SMYD3: variants seen among roughly 807,000 people sequenced by gnomAD.
SMYD3 encodes SET and MYND domain containing 3.
Under a neutral mutation model 57.7 loss-of-function variants are expected in SMYD3, and 36 were observed. The ratio of observed to expected loss-of-function variants is 0.62; its 90% confidence interval spans 0.48 to 0.82. The LOEUF is 0.82. SMYD3 is among the 40% of genes least tolerant of loss of function. The probability of loss-of-function intolerance (pLI) is 0.00; values close to 1 mark genes in which losing one functional copy is unlikely to be tolerated. For synonymous variants in SMYD3, 211 were observed against 195.0 expected (o/e 1.08, Z -0.68); for missense variants, 515 against 538.8 (o/e 0.96, Z 0.44).
intron 5 of SMYD3, chr1:246,035,080 C>A (rs1195934040): frequency 6.6e-6 from 1 of 152,222 alleles, no homozygotes; most frequent in East Asian, 1.9e-4. Context: ...CCTACCCTTC[C>A]AGGTCACTGC....
At chr1:245,848,366 C>T (rs2050774278) in intron 10 of SMYD3, among the ~76,000 whole-genome samples, 1 of 152,058 alleles carries the variant, frequency 6.6e-6, no homozygotes, top group South Asian at 2.1e-4. Flanking sequence ...GTGATCTGCC[C>T]ACCTTGGCCT....
chr1:246,233,909 C>T (rs1460836003), intron 5 of SMYD3, among the ~76,000 whole-genome samples: 7 of 122,374 alleles, frequency 5.7e-5, no homozygotes, highest in East Asian at 8.4e-4. Flanking sequence ...ACATATACCA[C>T]GCAGAGGAGA....
intron 5 of SMYD3, among the ~76,000 whole-genome samples, chr1:245,969,977 G>T (rs1187505083): frequency 6.7e-6 from 1 of 148,994 alleles, no homozygotes; most frequent in Non-Finnish European, 1.5e-5. Context: ...ATTTCATATG[G>T]AGCCCAAAAA....
At chr1:245,958,022 A>T (rs1159813868) in intron 5 of SMYD3, among the ~76,000 whole-genome samples, 1 of 152,134 alleles carries the variant, frequency 6.6e-6, no homozygotes, top group Non-Finnish European at 1.5e-5. Context: ...CTTTGAGAAA[A>T]AAAAAGCGGG....
chr1:245,839,791 A>C (rs9662541), intron 10 of SMYD3, among the ~76,000 whole-genome samples: 84,823 of 151,720 alleles, frequency 0.56, 26,592 homozygotes, highest in Middle Eastern at 0.73. Context: ...AAGCAGAATT[A>C]ATAAGCAGGG....
chr1:246,114,606 C>T (rs1462504665), intron 5 of SMYD3, among the ~76,000 whole-genome samples: 1 of 152,182 alleles, frequency 6.6e-6, no homozygotes, highest in African/African-American at 2.4e-5. Flanking sequence ...CCGGCCATTG[C>T]TTCCCGCTAA....
intron 5 of SMYD3, among the ~76,000 whole-genome samples, chr1:246,007,855 G>A (rs1282336495): frequency 6.7e-6 from 1 of 150,074 alleles, no homozygotes; most frequent in Non-Finnish European, 1.5e-5. Context: ...AAAATATACT[G>A]TGGGGCAATT....
intron 10 of SMYD3, among the ~76,000 whole-genome samples, chr1:245,835,339 C>T (rs991846493): frequency 6.6e-6 from 1 of 151,978 alleles, no homozygotes; most frequent in South Asian, 2.1e-4. Context: ...AAGATGGTCT[C>T]GATCTCTTGA....
chr1:245,782,598 T>C (rs1477327574), intron 10 of SMYD3, among the ~76,000 whole-genome samples: 1 of 152,200 alleles, frequency 6.6e-6, no homozygotes, highest in Non-Finnish European at 1.5e-5. Flanking sequence ...TTTTGGCAAC[T>C]TAAAGCAGGG....
At chr1:246,430,335 G>A (rs570092626) in intron 1 of SMYD3, among the ~76,000 whole-genome samples, 2 of 152,376 alleles carry the variant, frequency 1.3e-5, no homozygotes, top group African/African-American at 4.8e-5. Context: ...CTGGGCATCT[G>A]TAAGAAATGA....
chr1:245,797,151 T>C (rs957993269), intron 10 of SMYD3, among the ~76,000 whole-genome samples: 42 of 152,190 alleles, frequency 2.8e-4, no homozygotes, highest in African/African-American at 1.0e-3. Flanking sequence ...GGTGAATGTT[T>C]TCCTTTGAAC....
intron 10 of SMYD3, among the ~76,000 whole-genome samples, chr1:245,824,144 T>C (rs2049333956): frequency 6.6e-6 from 1 of 152,210 alleles, no homozygotes; most frequent in Non-Finnish European, 1.5e-5. Flanking sequence ...TCTAGCAATC[T>C]TCCCCAAAGT....
intron 1 of SMYD3, among the ~76,000 whole-genome samples, chr1:246,470,309 T>A (rs372586977): frequency 6.6e-6 from 1 of 151,840 alleles, no homozygotes; most frequent in East Asian, 1.9e-4. Flanking sequence ...CTGGTCATCA[T>A]GGCAAAACCC....
chr1:245,826,286 T>C (rs1327553437), intron 10 of SMYD3, among the ~76,000 whole-genome samples: 1 of 152,060 alleles, frequency 6.6e-6, no homozygotes, highest in Admixed American at 6.6e-5. Context: ...TGGAATCAAA[T>C]AGTGTTTATC....
chr1:245,793,776 GC>G (rs2148199500), intron 10 of SMYD3, among the ~76,000 whole-genome samples: 1 of 152,178 alleles, frequency 6.6e-6, no homozygotes, highest in African/African-American at 2.4e-5. Context: ...CCTGACCATG[GC>G]CCACAGCCCC....
At chr1:246,321,512 T>C (rs1328397640) in intron 5 of SMYD3, among the ~76,000 whole-genome samples, 1 of 152,150 alleles carries the variant, frequency 6.6e-6, no homozygotes, top group Non-Finnish European at 1.5e-5. Flanking sequence ...TCTCTCTAAC[T>C]GTAATTTTTG....
chr1:246,078,969 TAGAC>T (rs1481171725), intron 5 of SMYD3, among the ~76,000 whole-genome samples: 1 of 152,042 alleles, frequency 6.6e-6, no homozygotes, highest in Non-Finnish European at 1.5e-5. Flanking sequence ...TAGCAGAAGA[TAGAC>T]AGTAAACAAA....
At chr1:246,358,852 A>G (rs966884286) in intron 1 of SMYD3, among the ~76,000 whole-genome samples, 9 of 152,208 alleles carry the variant, frequency 5.9e-5, no homozygotes, top group African/African-American at 1.9e-4. Flanking sequence ...AAATGCCTAC[A>G]TCGAAAAGCC....
intron 8 of SMYD3, among the ~76,000 whole-genome samples, chr1:245,903,841 G>T (rs2054361521): frequency 6.6e-6 from 1 of 152,182 alleles, no homozygotes. Context: ...CTGCAGGGGG[G>T]CCCTGGACCC....
Sources: gnomAD v4.1 joint callset for allele counts (sites outside exome capture counted in the v4.1 genomes callset) on GRCh38, gnomAD v4.1.1 for gene constraint, MANE v1.5 for transcripts, NCBI Gene and HGNC (gene_info 2026-07-23, HGNC 2026-07-21) for gene names.